Variants in PCDHA7 observed in about 807,000 individuals in gnomAD.
The protein encoded by PCDHA7 is protocadherin alpha-7.
In PCDHA7, 37 loss-of-function variants were observed where a neutral mutation model predicts 57.2. The ratio of observed to expected loss-of-function variants is 0.65; its 90% CI spans 0.50 to 0.85. PCDHA7 has a LOEUF of 0.85. Among genes scored for constraint, PCDHA7 ranks in the 40% least tolerant of loss-of-function variants. PCDHA7 has a pLI of 0.00. For missense variants in PCDHA7, 1,188 were observed against 1,241.8 expected (o/e 0.96, Z 0.65); for synonymous variants, 553 against 558.8 (o/e 0.99, Z 0.15).
At position 140,834,723 on chromosome 5, in the gene PCDHA7, C is replaced by A. The variant is rs1187806383; in HGVS notation, c.340C>A (p.Leu114Met). The A allele has an allele frequency of 3.1e-6, 5 of 1,614,158 alleles. No homozygotes were observed. The African/African-American group carries it at 6.7e-5, about 22-fold the overall frequency. The change falls in exon 1 of 4, where the codon CTG becomes ATG. Residue 114 changes from leucine to methionine, a missense_variant. Physicochemically the swap from Leu to Met is conservative, Grantham distance 15. Transcript: ENST00000525929. Reference sequence around the variant, plus strand: ...CCTGGAGGTGATCGTGGAAAGGCCGCTGCAGGTTTTCCATGTGGACGTGGA... The same window carrying A: ...CCTGGAGGTGATCGTGGAAAGGCCGATGCAGGTTTTCCATGTGGACGTGGA... ...IHLEVIVERP[L>M]QVFHVDVEVK...
chr5:140,883,822 C>T, intron 1 of PCDHA7: 2 of 1,612,484 alleles, frequency 1.2e-6, no homozygotes, highest in Non-Finnish European at 1.7e-6. Flanking sequence ...GCAAGGTGTA[C>T]GCGCTGCAGC....
intron 1 of PCDHA7, chr5:140,843,163 T>A (rs2150354219): frequency 1.9e-6 from 3 of 1,596,072 alleles, no homozygotes; most frequent in Non-Finnish European, 2.6e-6. Context: ...TGCAGCCAGC[T>A]GCAAGCAGCC....
chr5:140,850,436 A>G (rs2150484342), intron 1 of PCDHA7: 1 of 1,597,612 alleles, frequency 6.3e-7, no homozygotes, highest in Admixed American at 1.7e-5. Context: ...GCCAGCGCCT[A>G]CTGGTGCTGG....
intron 1 of PCDHA7, chr5:140,854,422 A>G (rs1322655400): frequency 1.3e-5 from 2 of 151,676 alleles, no homozygotes; most frequent in African/African-American, 4.9e-5. Flanking sequence ...AATCTCTAAA[A>G]TCAGAATTTG....
At position 140,974,721 on chromosome 5, in the gene PCDHA7, G is replaced by A. The variant is rs1033117636; in HGVS notation, c.2356-4228G>A. 3.9e-5 allele frequency among the ~76,000 whole-genome samples: 6 copies of A among 152,050 alleles called. No homozygotes were observed. In the East Asian group the frequency reaches 1.2e-3, roughly 29 times the overall value. On this transcript the variant is annotated intron_variant, in intron 1 of 3. Transcript: ENST00000525929. ...TCACCATGTTGTTCAAGCTGCTCTCGAACTCCTGTCTCCACCTTGGCCTCC... is the reference window on the plus strand; with the variant it reads ...TCACCATGTTGTTCAAGCTGCTCTCAAACTCCTGTCTCCACCTTGGCCTCC...
chr5:140,910,200 A>C (rs1471024317), intron 1 of PCDHA7, among the ~76,000 whole-genome samples: 1 of 152,200 alleles, frequency 6.6e-6, no homozygotes, highest in East Asian at 1.9e-4. Flanking sequence ...TCTTTTGTCC[A>C]CTTGACCTGG....
rs1554244455 is a variant in PCDHA7 at position 140,982,542 on chromosome 5, A to G, written c.2482A>G (p.Thr828Ala). The G allele has an allele frequency of 1.9e-6, 3 of 1,614,210 alleles. No homozygotes were observed. The highest frequency in any genetic ancestry group is 2.2e-5 in the East Asian group (1 of 44,888). Residue 828 changes from threonine (T) to alanine (A), a missense_variant, in exon 3 of 4, where the codon ACA becomes GCA. Transcript: ENST00000525929. ...GPGGPDQQWP[T>A]VSSATPEPEA... ...AGGAGGGCCTGATCAGCAGTGGCCA[A>G]CAGTATCCAGTGCAACACCAGGTAA...
intron 1 of PCDHA7, chr5:140,884,559 C>A (rs782174598): frequency 6.2e-7 from 1 of 1,614,094 alleles, no homozygotes; most frequent in South Asian, 1.1e-5. Flanking sequence ...GGGGAGGGCC[C>A]GCATAAGACG....
intron 1 of PCDHA7, chr5:140,870,723 C>A: frequency 1.9e-6 from 3 of 1,613,170 alleles, no homozygotes; most frequent in East Asian, 4.5e-5. Context: ...GCGATGCGGG[C>A]GTGCCGCCTC....
chr5:140,917,797 C>T (rs1174581148), intron 1 of PCDHA7, among the ~76,000 whole-genome samples: 2 of 151,940 alleles, frequency 1.3e-5, no homozygotes, highest in African/African-American at 4.8e-5. Flanking sequence ...GTTACTGTAG[C>T]CTTGCAGTAT....
Position 140,857,753 on chromosome 5 carries a change from G to C in PCDHA7, c.2355+21015G>C, listed in dbSNP as rs782054220. 1.3e-5 allele frequency: 20 copies of C among 1,597,296 alleles called. No individual in the cohort carries two copies. The East Asian group carries it at 4.5e-4, about 36-fold the overall frequency. On this transcript the variant is annotated intron_variant, in intron 1 of 3. Coordinates refer to ENST00000525929, the MANE Select transcript of PCDHA7 (RefSeq NM_018910.3). ...CGCTCCCGCGCTGCTGGCGTCTCCC[G>C]CTGGCAGCGCGGGCGGTGCAGTCAG... is the stretch of plus-strand genomic sequence containing the variant.
chr5:140,988,204 AG>A (rs2097287084), intron 3 of PCDHA7, among the ~76,000 whole-genome samples: 1 of 152,100 alleles, frequency 6.6e-6, no homozygotes, highest in South Asian at 2.1e-4. Context: ...TATCCTTATT[AG>A]GAAAAAAAAA....
chr5:140,986,793 G>A lies in PCDHA7; in HGVS notation c.2503+4230G>A, dbSNP rs945707149. 6.6e-5 allele frequency among the ~76,000 whole-genome samples: 10 copies of A among 152,312 alleles called. No homozygotes were observed. In the East Asian group the frequency reaches 1.7e-3, roughly 26 times the overall value. ...TTAGGTAGCGGAAGCCACTAAGGCA[G>A]TGAGTCTTAGTTAGAGAACTTTGGT... On this transcript the variant is annotated intron_variant, in intron 3 of 3. Coordinates refer to ENST00000525929, the MANE Select transcript of PCDHA7 (RefSeq NM_018910.3).
chr5:140,857,197 G>A, intron 1 of PCDHA7: 2 of 1,598,586 alleles, frequency 1.3e-6, no homozygotes, highest in South Asian at 1.1e-5. Context: ...CCAACGGACA[G>A]GTCACCTGCT....
rs182361197 is a variant in PCDHA7, at chr5:140,979,956, T to G, written c.2414+949T>G. 2.0e-5 allele frequency among the ~76,000 whole-genome samples: 3 copies of G among 152,378 alleles called. No homozygotes were observed. In the East Asian group the frequency reaches 5.8e-4, roughly 29 times the overall value. ...GTGTAGAGTTAATGTGAAATTAGTT[T>G]TAGCCCATTAAAATGCATTAGATTG... On this transcript the variant is annotated intron_variant, in intron 2 of 3. Transcript: ENST00000525929.
chr5:140,836,240 C>G lies in PCDHA7; in HGVS notation c.1857C>G (p.Ser619Arg). 1 of 1,613,780 alleles carries G rather than the reference C, an allele frequency of 6.2e-7. No individual in the cohort carries two copies. The highest frequency in any genetic ancestry group is 8.5e-7 in the Non-Finnish European group (1 of 1,179,818). The change falls in exon 1 of 4, where the codon AGC becomes AGG. Residue 619 changes from serine (S) to arginine (R), a missense_variant. Transcript: ENST00000525929. ...YELQPVAAGA[S>R]IPFRVGLYTG... ...TGCAACCGGTGGCGGCCGGTGCGAG[C>G]ATCCCGTTCCGCGTGGGGCTGTACA...
chr5:140,986,467 T>G (rs190246289), intron 3 of PCDHA7, among the ~76,000 whole-genome samples: 4 of 152,196 alleles, frequency 2.6e-5, no homozygotes, highest in Non-Finnish European at 5.9e-5. Context: ...AATGCCCTCT[T>G]GTGATCAGTT....
intron 1 of PCDHA7, chr5:140,870,913 G>C (rs933995054): frequency 2.5e-6 from 4 of 1,613,936 alleles, no homozygotes; most frequent in Non-Finnish European, 3.4e-6. Context: ...AGGCTACAAC[G>C]CGTGGCTTTC....
intron 2 of PCDHA7, among the ~76,000 whole-genome samples, chr5:140,980,956 C>T (rs2096912703): frequency 6.6e-6 from 1 of 152,110 alleles, no homozygotes; most frequent in Non-Finnish European, 1.5e-5. Flanking sequence ...AGGATAGTTA[C>T]ACCTTCATGA....
Sources: allele counts gnomAD v4.1 joint callset (sites outside exome capture counted in the v4.1 genomes callset), GRCh38; gene constraint gnomAD v4.1.1; transcripts MANE v1.5; gene names NCBI Gene and HGNC (gene_info 2026-07-23, HGNC 2026-07-21).